The following CCDC60 variants were observed in gnomAD, a reference collection of about 807,000 sequenced individuals.
CCDC60 encodes the protein coiled-coil domain-containing protein 60.
CCDC60 carries 54 observed loss-of-function variants against 63.5 expected under a neutral mutation model. The ratio of observed to expected loss-of-function variants is 0.85; its 90% CI spans 0.68 to 1.07. The LOEUF (loss-of-function observed/expected upper bound fraction) is 1.07, where lower values mean the gene tolerates loss of function less well. CCDC60 is among the 50% of genes least tolerant of loss of function. The pLI is 0.00. For missense variants in CCDC60, 651 were observed against 684.3 expected (o/e 0.95, Z 0.54); for synonymous variants, 206 against 238.8 (o/e 0.86, Z 1.27).
At chr12:119,494,439 T>C (rs1951670294) in intron 5 of CCDC60, among the ~76,000 whole-genome samples, 3 of 152,188 alleles carry the variant, frequency 2.0e-5, no homozygotes, top group Admixed American at 1.3e-4. Context: ...AGTACAGTTG[T>C]CTACGTCTTA....
intron 1 of CCDC60, among the ~76,000 whole-genome samples, chr12:119,375,719 A>G (rs186099550): frequency 7.1e-4 from 108 of 152,346 alleles, no homozygotes; most frequent in Admixed American, 1.8e-3. Flanking sequence ...TTTCAGCAGA[A>G]TGAACAGAAA....
At chr12:119,474,680 T>C (rs1036506124) in intron 3 of CCDC60, among the ~76,000 whole-genome samples, 3 of 152,128 alleles carry the variant, frequency 2.0e-5, no homozygotes, top group Non-Finnish European at 4.4e-5. Context: ...TTTAAAACAG[T>C]TAATTTTATG....
Position 119,420,945 on chromosome 12 carries a change from A to T in CCDC60, c.91-7738A>T, listed in dbSNP as rs1273577639. On this transcript the variant is annotated intron_variant, in intron 1 of 13. Transcript: ENST00000327554. This position sits in a 1 kb window ranked among gnomAD's most constrained non-coding sequence, Gnocchi z 4.1. ...GGTTCATGTGTGTACTCCTGCCATG[A>T]TCCCGCCTACTCTGTTCTTTACAGC... Among the ~76,000 whole-genome samples, 1 of 152,186 alleles carries T rather than the reference A, an allele frequency of 6.6e-6. No individual in the cohort carries two copies. Among genetic ancestry groups the T allele is most frequent in the Non-Finnish European group, 1.5e-5 (1 of 68,042 alleles).
intron 5 of CCDC60, among the ~76,000 whole-genome samples, chr12:119,493,211 C>T (rs775953122): frequency 6.6e-6 from 1 of 152,116 alleles, no homozygotes; most frequent in Non-Finnish European, 1.5e-5. Context: ...GTGCATTTTC[C>T]AAAAGGAGAT....
chr12:119,495,367 G>A lies in CCDC60; in HGVS notation c.558-4711G>A, dbSNP rs141154392. ...GGATACAAAAGGGACTCGACTTACC[G>A]AGATGTTATCACATATAAACTGCAA... On this transcript the variant is annotated intron_variant, in intron 5 of 13. Transcript: ENST00000327554. Among the ~76,000 whole-genome samples the A allele has an allele frequency of 1.8e-4, 28 of 152,262 alleles. 1 individual carries two copies. The highest frequency in any genetic ancestry group is 1.6e-3 in the Admixed American group (25 of 15,298).
At chr12:119,522,013 AG>A (rs1307325023) in intron 9 of CCDC60, among the ~76,000 whole-genome samples, 2 of 152,150 alleles carry the variant, frequency 1.3e-5, no homozygotes, top group Non-Finnish European at 2.9e-5. Flanking sequence ...TTCTATGGGG[AG>A]GGGTCTGGAA....
intron 2 of CCDC60, among the ~76,000 whole-genome samples, chr12:119,436,632 G>A (rs754611523): frequency 1.3e-5 from 2 of 150,732 alleles, no homozygotes; most frequent in African/African-American, 2.4e-5. Context: ...TCCGCCTCCC[G>A]GGTTCAAGCG....
intron 1 of CCDC60, among the ~76,000 whole-genome samples, chr12:119,384,589 C>T (rs1247701287): frequency 6.6e-6 from 1 of 152,188 alleles, no homozygotes; most frequent in Non-Finnish European, 1.5e-5. Flanking sequence ...CCTGCCATTC[C>T]CTGCGAGCTC....
chr12:119,354,036 C>T (rs1955690443), intron 1 of CCDC60, among the ~76,000 whole-genome samples: 1 of 149,894 alleles, frequency 6.7e-6, no homozygotes, highest in Non-Finnish European at 1.5e-5. Flanking sequence ...TTCTAGCTAT[C>T]TGCTCTCTCC....
At chr12:119,360,954 C>T (rs1955782396) in intron 1 of CCDC60, among the ~76,000 whole-genome samples, 3 of 152,250 alleles carry the variant, frequency 2.0e-5, no homozygotes, top group South Asian at 4.1e-4. Context: ...GCCAACACAA[C>T]GAAACCCCGT....
Position 119,528,664 on chromosome 12 carries a change from T to C in CCDC60, c.1279T>C (p.Ser427Pro). 6.2e-7 allele frequency: 1 copy of C among 1,614,040 alleles called. No individual in the cohort carries two copies. The highest frequency in any genetic ancestry group is 8.5e-7 in the Non-Finnish European group (1 of 1,179,942). The stretch of plus-strand genomic sequence containing the variant: ...GAAGTTCCGTGCTTTTGTCCTTGTC[T>C]CAAATTTTCAAAAGGACATAGCAAA... ...IQKFRAFVLV[S>P]NFQKDIAKMR... The change falls in exon 12 of 14, where the codon TCA becomes CCA. Residue 427 changes from serine to proline, a missense_variant. Coordinates refer to ENST00000327554, the MANE Select transcript of CCDC60 (RefSeq NM_178499.5).
At position 119,523,676 on chromosome 12, in the gene CCDC60, CT is replaced by C. The variant is rs1339742176; in HGVS notation, c.1104-15del. ...CCTGGGCTCCATTCCCCAAGCCCTT[CT>C]TATCTGTGTCCACAGCCGCACTAAT... is the stretch of plus-strand genomic sequence containing the variant. On this transcript the variant is annotated splice_polypyrimidine_tract_variant and intron_variant, in intron 10 of 13. Transcript: ENST00000327554. The C allele has an allele frequency of 6.2e-7, 1 of 1,613,660 alleles. No individual in the cohort carries two copies. The highest frequency in any genetic ancestry group is 8.5e-7 in the Non-Finnish European group (1 of 1,179,758).
At chr12:119,522,723 A>G (rs568818425) in intron 9 of CCDC60, among the ~76,000 whole-genome samples, 1 of 152,188 alleles carries the variant, frequency 6.6e-6, no homozygotes, top group Admixed American at 6.5e-5. Context: ...TTAAATAGGT[A>G]GAAAAGAAAC....
intron 11 of CCDC60, among the ~76,000 whole-genome samples, chr12:119,528,385 G>A (rs1409362345): frequency 6.6e-6 from 1 of 152,118 alleles, no homozygotes; most frequent in East Asian, 1.9e-4. Flanking sequence ...GAGAATGAAA[G>A]CTAATAAAAA....
At chr12:119,437,265 G>T (rs1232990746) in intron 2 of CCDC60, among the ~76,000 whole-genome samples, 1 of 152,124 alleles carries the variant, frequency 6.6e-6, no homozygotes, top group African/African-American at 2.4e-5. Flanking sequence ...AACAATGCAA[G>T]TTCGATGACA....
At chr12:119,389,864 T>A (rs187894929) in intron 1 of CCDC60, among the ~76,000 whole-genome samples, 1 of 152,226 alleles carries the variant, frequency 6.6e-6, no homozygotes, top group African/African-American at 2.4e-5. Context: ...CATTAGTGGC[T>A]GATGAATTGA....
At chr12:119,458,691 A>C (rs1345926004) in intron 2 of CCDC60, among the ~76,000 whole-genome samples, 1 of 152,160 alleles carries the variant, frequency 6.6e-6, no homozygotes. Flanking sequence ...GTATTCAGGC[A>C]GAGTGCCCTC....
At chr12:119,523,532 G>A (rs1952589205) in intron 10 of CCDC60, among the ~76,000 whole-genome samples, 161 bp from the exon 11 acceptor site, 2 of 152,228 alleles carry the variant, frequency 1.3e-5, no homozygotes, top group Admixed American at 1.3e-4. Flanking sequence ...CATCCAGGGA[G>A]ATGCTTAGGG....
At chr12:119,464,536 G>T (rs1387223178) in intron 2 of CCDC60, among the ~76,000 whole-genome samples, 1 of 151,958 alleles carries the variant, frequency 6.6e-6, no homozygotes, top group Non-Finnish European at 1.5e-5. Flanking sequence ...CAGCTGAATA[G>T]ACCCTCTCTT....
Sources: allele counts gnomAD v4.1 joint callset (sites outside exome capture counted in the v4.1 genomes callset), GRCh38; gene constraint gnomAD v4.1.1; non-coding constraint Gnocchi (gnomAD v3.1); transcripts MANE v1.5; gene names NCBI Gene and HGNC (gene_info 2026-07-23, HGNC 2026-07-21).